The following FSTL4 variants were observed in gnomAD, a reference collection of about 807,000 sequenced individuals.
FSTL4 encodes the protein follistatin-related protein 4.
In FSTL4, 28 loss-of-function variants were observed where a neutral mutation model predicts 78.2. The observed-to-expected ratio is 0.36, with a 90% CI of 0.27 to 0.49. The LOEUF (loss-of-function observed/expected upper bound fraction) is 0.49. Ranked by LOEUF, FSTL4 falls within the 20% of genes least tolerant of loss-of-function variation. The pLI is 0.98. For missense variants in FSTL4, 922 were observed against 1,084.9 expected (o/e 0.85, Z 2.11); for synonymous variants, 422 against 440.5 (o/e 0.96, Z 0.53).
the FSTL4 span, among the ~76,000 whole-genome samples, chr5:133,777,005 CCCATCA>C: frequency 2.6e-5 from 4 of 152,168 alleles, no homozygotes; most frequent in African/African-American, 9.7e-5. Context: ...ACCTCAGCTT[CCCATCA>C]CTCATTCATT....
rs2126792530 is a variant in FSTL4 at position 133,224,218 on chromosome 5, T to C, written c.1313-2A>G. ...CCTCTCGCCACAGGATGTTTGCAAC[T>C]GCAGCAGCAGAGAATGAGGAAAGCA... is the stretch of plus-strand genomic sequence containing the variant. On this transcript the variant is annotated splice_acceptor_variant, in intron 10 of 15. Coordinates refer to ENST00000265342, the MANE Select transcript of FSTL4 (RefSeq NM_015082.2). LOFTEE classifies it high-confidence loss of function. 6.2e-7 allele frequency: 1 copy of C among 1,612,112 alleles called. No homozygotes were observed.
chr5:133,742,406 T>C, the FSTL4 span, among the ~76,000 whole-genome samples: 1 of 152,260 alleles, frequency 6.6e-6, no homozygotes, highest in East Asian at 1.9e-4. Context: ...AAAAAATCAA[T>C]GTCCTTCAAA....
chr5:133,317,622 C>A (rs1753940608), intron 4 of FSTL4, among the ~76,000 whole-genome samples: 1 of 152,208 alleles, frequency 6.6e-6, no homozygotes, highest in African/African-American at 2.4e-5. Context: ...GTTGGAGAGT[C>A]AATAGAAAGA....
intron 2 of FSTL4, among the ~76,000 whole-genome samples, chr5:133,600,385 T>C (rs256249): frequency 0.46 from 68,484 of 149,506 alleles, 15,754 homozygotes; most frequent in East Asian, 0.62. Flanking sequence ...TTGGATGTAA[T>C]CCCGTCATAA....
chr5:133,481,752 A>C (rs1337898026), intron 3 of FSTL4, among the ~76,000 whole-genome samples: 1 of 152,168 alleles, frequency 6.6e-6, no homozygotes, highest in Non-Finnish European at 1.5e-5. Context: ...TTACAGTCTG[A>C]TGAAGAAGCC....
intron 3 of FSTL4, among the ~76,000 whole-genome samples, chr5:133,513,103 G>A (rs1427444207): frequency 2.0e-5 from 3 of 152,194 alleles, no homozygotes; most frequent in Non-Finnish European, 4.4e-5. Context: ...TTACAGGCAT[G>A]AGCCACTGTG....
intron 6 of FSTL4, among the ~76,000 whole-genome samples, chr5:133,261,826 A>G (rs1467676297): frequency 6.6e-6 from 1 of 152,084 alleles, no homozygotes; most frequent in Non-Finnish European, 1.5e-5. Context: ...CTCCATCTCT[A>G]CAAAAAATAC....
chr5:133,652,603 C>T, the FSTL4 span, among the ~76,000 whole-genome samples: 1 of 152,072 alleles, frequency 6.6e-6, no homozygotes. Context: ...TGCTTTAATT[C>T]CATTGTGGTC....
At chr5:133,717,034 C>T in the FSTL4 span, among the ~76,000 whole-genome samples, 1 of 152,214 alleles carries the variant, frequency 6.6e-6, no homozygotes, top group Admixed American at 6.5e-5. Flanking sequence ...CATCAGGCTG[C>T]ACCTCTCTGG....
chr5:133,826,290 G>A, the FSTL4 span, among the ~76,000 whole-genome samples: 32 of 152,306 alleles, frequency 2.1e-4, no homozygotes, highest in Admixed American at 8.5e-4. Flanking sequence ...ATTGCAAAGG[G>A]ACTGAAAATC....
chr5:133,300,737 A>G (rs1753516377), intron 6 of FSTL4, among the ~76,000 whole-genome samples: 1 of 152,212 alleles, frequency 6.6e-6, no homozygotes, highest in African/African-American at 2.4e-5. Context: ...ATTGAGGGTC[A>G]GGACCAACAC....
the FSTL4 span, among the ~76,000 whole-genome samples, chr5:133,825,999 G>A: frequency 1.3e-5 from 2 of 152,210 alleles, no homozygotes; most frequent in Non-Finnish European, 1.5e-5. Context: ...CCACTTCAGG[G>A]CAAAAGGCCC....
the FSTL4 span, among the ~76,000 whole-genome samples, chr5:133,617,603 C>A: frequency 6.6e-6 from 1 of 152,236 alleles, no homozygotes; most frequent in African/African-American, 2.4e-5. Context: ...ACACACACAG[C>A]TGCACTTGTT....
At position 133,225,200 on chromosome 5, in the gene FSTL4, A is replaced by G. The variant is rs1415118331; in HGVS notation, c.1262T>C (p.Val421Ala). Residue 421 changes from valine (V) to alanine (A), a missense_variant, in exon 10 of 16, where the codon GTG becomes GCG. Physicochemically the swap from Val to Ala is moderately conservative, Grantham distance 64 (BLOSUM62 0). Coordinates refer to ENST00000265342, the MANE Select transcript of FSTL4 (RefSeq NM_015082.2). This position sits in a 1 kb window ranked among gnomAD's most constrained non-coding sequence, Gnocchi z 4.6. The stretch of plus-strand genomic sequence containing the variant: ...GAAGAGCGAGGAGATATCTTCATCC[A>G]CACCCACTTCATTTTTGGCAATGCA... ...YTCIAKNEVG[V>A]DEDISSLFIE... 6.2e-7 allele frequency: 1 copy of G among 1,614,134 alleles called. No homozygotes were observed. Among genetic ancestry groups the G allele is most frequent in the South Asian group, 1.1e-5 (1 of 91,082 alleles).
intron 6 of FSTL4, among the ~76,000 whole-genome samples, chr5:133,254,496 C>A (rs573385873): frequency 6.6e-6 from 1 of 152,286 alleles, no homozygotes; most frequent in South Asian, 2.1e-4. Context: ...GGTGTTTGGG[C>A]TGGGGTAAAA....
chr5:133,229,772 A>G (rs1250509890), intron 8 of FSTL4, among the ~76,000 whole-genome samples: 4 of 152,212 alleles, frequency 2.6e-5, no homozygotes, highest in African/African-American at 7.2e-5. Flanking sequence ...AAAGCTGTCA[A>G]TTCAATACTG....
the FSTL4 span, among the ~76,000 whole-genome samples, chr5:133,729,226 A>AAC: frequency 6.2e-3 from 920 of 148,404 alleles, 4 homozygotes; most frequent in African/African-American, 8.0e-3. Flanking sequence ...GATTTATGAA[A>AAC]ACACACACAC....
At chr5:133,322,689 G>A (rs986944770) in intron 4 of FSTL4, among the ~76,000 whole-genome samples, 3 of 152,190 alleles carry the variant, frequency 2.0e-5, no homozygotes, top group Non-Finnish European at 2.9e-5. Context: ...ATTAGCTGAG[G>A]TTGCTCTTGG....
chr5:133,468,996 G>A lies in FSTL4; in HGVS notation c.161-68010C>T, dbSNP rs148068751. Among the ~76,000 whole-genome samples the A allele has an allele frequency of 4.9e-4, 75 of 152,304 alleles. No homozygotes were observed. In the East Asian group the frequency reaches 9.7e-3, roughly 20 times the overall value. On this transcript the variant is annotated intron_variant, in intron 3 of 15. Transcript: ENST00000265342. ...CTAAAGGAAGGGCAGTATTTGAAAG[G>A]CAGGTATAATTACTCTTAATTGCAA...
Sources: gnomAD v4.1 joint callset for allele counts (sites outside exome capture counted in the v4.1 genomes callset) on GRCh38, gnomAD v4.1.1 for gene constraint, Gnocchi (gnomAD v3.1) non-coding constraint, MANE v1.5 for transcripts, NCBI Gene and HGNC (gene_info 2026-07-23, HGNC 2026-07-21) for gene names.